Variants in ANKRD36 observed in about 807,000 individuals in gnomAD.
ANKRD36 encodes the protein ankyrin repeat domain 36, also known as ankyrin repeat domain-containing protein 36A.
ANKRD36 carries 179 observed loss-of-function variants against 278.1 expected under a neutral mutation model. That is an observed-to-expected ratio of 0.64 (90% CI 0.57 to 0.73). ANKRD36 has a LOEUF of 0.73. Ranked by LOEUF, ANKRD36 falls within the 30% of genes least tolerant of loss-of-function variation. The pLI is 0.00. For missense variants in ANKRD36, 1,159 were observed against 1,956.7 expected, an observed-to-expected ratio of 0.59 and a Z score of 7.69; for synonymous variants, 320 against 641.1, an observed-to-expected ratio of 0.50 and a Z score of 7.57.
chr2:97,180,037 A>G, intron 24 of ANKRD36, 104 bp downstream of exon 24: 1 of 1,532,088 alleles, frequency 6.5e-7, no homozygotes, highest in South Asian at 1.2e-5. Context: ...GCACGTTCTG[A>G]TTCAGTACAC....
intron 6 of ANKRD36, among the ~76,000 whole-genome samples, chr2:97,132,182 G>C (rs1190119251): frequency 6.6e-6 from 1 of 151,078 alleles, no homozygotes; most frequent in Non-Finnish European, 1.5e-5. Flanking sequence ...GGAGTGCAAT[G>C]GTTGTTCACA....
At chr2:97,176,111 G>T (rs1449935172) in intron 22 of ANKRD36, among the ~76,000 whole-genome samples, 4 of 151,846 alleles carry the variant, frequency 2.6e-5, no homozygotes, top group Admixed American at 6.6e-5. Context: ...TTGATTTGGG[G>T]TGGAGAGTTC....
At chr2:97,227,422 C>G (rs996040326) in intron 67 of ANKRD36, among the ~76,000 whole-genome samples, 4 of 152,082 alleles carry the variant, frequency 2.6e-5, no homozygotes, top group East Asian at 2.0e-4. Context: ...ATTTGGCTCT[C>G]TGTTTGTCTG....
intron 58 of ANKRD36, chr2:97,212,980 G>C (rs1176896893): frequency 5.4e-5 from 18 of 334,512 alleles, no homozygotes; most frequent in Non-Finnish European, 8.2e-5. Flanking sequence ...CTCAGTTATT[G>C]GGCAAGTTAA....
In ANKRD36 at chr2:97,191,313, C is replaced by T. The variant is rs1238170471; in HGVS notation, c.2347+132C>T. The T allele has an allele frequency of 1.2e-5, 14 of 1,144,006 alleles. 1 individual carries two copies. In the East Asian group the frequency reaches 3.1e-4, roughly 25 times the overall value. The allele number at this position is 1,144,006 out of a possible 1,614,324, so 70.9% of individuals were successfully genotyped here. ...CAGCTGTCCTGAGATTCTTCATTTG[C>T]AGTAAGTTCTTGGGTGATGGTGATG... On this transcript the variant is annotated intron_variant, in intron 36 of 75. Coordinates refer to ENST00000420699, the MANE Select transcript of ANKRD36 (RefSeq NM_001354587.1).
intron 58 of ANKRD36, chr2:97,212,748 A>G (rs1465225548): frequency 1.2e-5 from 2 of 165,448 alleles, no homozygotes; most frequent in Non-Finnish European, 2.6e-5. Context: ...AGGCTAATAT[A>G]TTATCCTTTG....
At chr2:97,209,902 T>G in intron 56 of ANKRD36, 30 bp downstream of exon 56, 2 of 1,553,928 alleles carry the variant, frequency 1.3e-6, no homozygotes, top group Admixed American at 1.9e-5. Context: ...TAATGTCATG[T>G]TCAGTCCAGA....
chr2:97,200,532 T>G lies in ANKRD36; in HGVS notation c.2857+7T>G. 2.6e-6 allele frequency: 4 copies of G among 1,551,058 alleles called. No homozygotes were observed. The highest frequency in any genetic ancestry group is 3.5e-6 in the Non-Finnish European group (4 of 1,152,704). On this transcript the variant is annotated splice_region_variant and intron_variant, in intron 46 of 75. Coordinates refer to ENST00000420699, the MANE Select transcript of ANKRD36 (RefSeq NM_001354587.1). ...GGAGAAATATCTAGGAAAGGTAATT[T>G]TGCGAAACACATTTAATGTCATGTT...
At chr2:97,189,834 A>G (rs1451546943) in intron 34 of ANKRD36, among the ~76,000 whole-genome samples, 1 of 85,432 alleles carries the variant, frequency 1.2e-5, no homozygotes, top group East Asian at 2.3e-4. Flanking sequence ...AATCTGAGTG[A>G]ACTCACTTCA....
At chr2:97,154,880 C>T in intron 15 of ANKRD36, 139 bp downstream of exon 15, 2 of 692,548 alleles carry the variant, frequency 2.9e-6, no homozygotes, top group South Asian at 2.5e-5. Context: ...TAGAGATAAC[C>T]ATTTTAAAGA....
intron 46 of ANKRD36, among the ~76,000 whole-genome samples, chr2:97,201,350 G>T (rs1315590258): frequency 6.6e-6 from 1 of 151,828 alleles, no homozygotes; most frequent in Admixed American, 6.6e-5. Flanking sequence ...GCCTACAAGG[G>T]TATTCTAGAA....
chr2:97,200,809 T>C (rs199954811), intron 46 of ANKRD36, among the ~76,000 whole-genome samples: 1 of 151,916 alleles, frequency 6.6e-6, no homozygotes, highest in Non-Finnish European at 1.5e-5. Flanking sequence ...GCTTTAATTC[T>C]GTAGCATCTT....
At chr2:97,120,305 AG>A (rs1348774001) in intron 3 of ANKRD36, among the ~76,000 whole-genome samples, 1 of 86,512 alleles carries the variant, frequency 1.2e-5, no homozygotes, top group Non-Finnish European at 2.9e-5. Context: ...GGACTGCCTC[AG>A]TATGTCAGTT....
chr2:97,185,027 T>A (rs879792002), intron 28 of ANKRD36, among the ~76,000 whole-genome samples: 7 of 151,830 alleles, frequency 4.6e-5, no homozygotes, highest in Admixed American at 1.3e-4. Context: ...TTTAGATCAC[T>A]TTTGTCCTCA....
chr2:97,250,393 C>T (rs1362711518), intron 75 of ANKRD36, among the ~76,000 whole-genome samples: 3 of 143,992 alleles, frequency 2.1e-5, no homozygotes, highest in Non-Finnish European at 4.5e-5. Context: ...TTAAAAAAAT[C>T]GCAAGAAATC....
chr2:97,206,122 A>G lies in ANKRD36; in HGVS notation c.3150A>G (p.Glu1050=), dbSNP rs1381671674. The part of the protein sequence containing the change: ...LSIARENKDG[E]KSRTVSSEKP... ...TAGCCAGAGAAAACAAGGATGGAGA[A>G]AAATCTAGGACAGGTAATTCTGAAA... Residue 1050 remains glutamate, a synonymous_variant, in exon 52 of 76, where the codon GAA becomes GAG. Transcript: ENST00000420699. 1 of 1,541,274 alleles carries G rather than the reference A, an allele frequency of 6.5e-7. No individual in the cohort carries two copies. Among genetic ancestry groups the G allele is most frequent in the South Asian group, 1.2e-5 (1 of 83,548 alleles).
Position 97,191,269 on chromosome 2 carries a change from G to A in ANKRD36, c.2347+88G>A, listed in dbSNP as rs553728045. ...TGAATGAATTGGCCTGGGGCTCGTC[G>A]AAGCTGCACATTATCATTCAGCTGT... On this transcript the variant is annotated intron_variant, in intron 36 of 75. Coordinates refer to ENST00000420699, the MANE Select transcript of ANKRD36 (RefSeq NM_001354587.1). 191 of 1,347,134 alleles carry A rather than the reference G, an allele frequency of 1.4e-4. 1 individual carries two copies. The highest frequency in any genetic ancestry group is 1.9e-4 in the Admixed American group (7 of 37,374). The allele number at this position is 1,347,134 out of a possible 1,614,324, so 83.4% of individuals were successfully genotyped here.
At chr2:97,178,654 A>T (rs28542740) in intron 22 of ANKRD36, among the ~76,000 whole-genome samples, 80,101 of 138,626 alleles carry the variant, frequency 0.58, 27,619 homozygotes, top group Non-Finnish European at 0.78. Flanking sequence ...CAGGAAGGGG[A>T]ATATCACACT....
At chr2:97,218,234 T>G (rs2066470653) in intron 64 of ANKRD36, among the ~76,000 whole-genome samples, 1 of 150,384 alleles carries the variant, frequency 6.6e-6, no homozygotes, top group African/African-American at 2.5e-5. Context: ...AATGTTGAAT[T>G]CATTAATTGA....
Sources: gnomAD v4.1 joint callset for allele counts (sites outside exome capture counted in the v4.1 genomes callset) on GRCh38, gnomAD v4.1.1 for gene constraint, MANE v1.5 for transcripts, NCBI Gene and HGNC (gene_info 2026-07-23, HGNC 2026-07-21) for gene names.